The following DNAH11 variants were observed in gnomAD, a reference collection of about 807,000 sequenced individuals.
DNAH11 encodes axonemal beta dynein heavy chain 11.
A neutral mutation model predicts 526.0 loss-of-function variants in DNAH11; 442 were observed. That is an observed-to-expected ratio of 0.84 (90% CI 0.78 to 0.91). DNAH11 has a LOEUF of 0.91. Among genes scored for constraint, DNAH11 ranks in the 40% least tolerant of loss-of-function variants. The pLI, the probability that DNAH11 is intolerant of heterozygous loss-of-function variation, is 0.00. For synonymous variants in DNAH11, 2,461 were observed against 1,935.9 expected, an observed-to-expected ratio of 1.27 and a Z score of -7.12; for missense variants, 6,989 against 5,448.7, an observed-to-expected ratio of 1.28 and a Z score of -8.90.
chr7:21,553,725 C>CTT, intron 2 of DNAH11, among the ~76,000 whole-genome samples: 1 of 152,170 alleles, frequency 6.6e-6, no homozygotes, highest in East Asian at 1.9e-4. Context: ...GTGTCGAAAT[C>CTT]TGTCATTCGC....
chr7:21,714,935 A>G (rs1042772135), intron 42 of DNAH11, among the ~76,000 whole-genome samples: 2 of 152,162 alleles, frequency 1.3e-5, no homozygotes, highest in African/African-American at 2.4e-5. Context: ...TCTTTCTTCT[A>G]TTACTTGAGC....
At chr7:21,599,334 A>G (rs1784983770) in intron 14 of DNAH11, among the ~76,000 whole-genome samples, 2 of 152,244 alleles carry the variant, frequency 1.3e-5, no homozygotes, top group Admixed American at 1.3e-4. Context: ...TAGAGTACAT[A>G]GTACTTCACT....
chr7:21,752,800 C>T (rs902209996), intron 54 of DNAH11, among the ~76,000 whole-genome samples: 1 of 152,146 alleles, frequency 6.6e-6, no homozygotes, highest in Non-Finnish European at 1.5e-5. Context: ...GCAGCCTCTG[C>T]CTCCTGGGTT....
chr7:21,894,775 A>G lies in DNAH11; in HGVS notation c.12903A>G (p.Ile4301Met). The part of the protein sequence containing the change: ...RMNILIREIR[I>M]SLEQLDLSLK... ...ATATTCTCATTCGGGAAATACGTAT[A>G]TCACTTGAACAACTGGACCTTAGTT... The change falls in exon 78 of 82, where the codon ATA becomes ATG. Residue 4301 changes from isoleucine (I) to methionine (M), a missense_variant. Transcript: ENST00000409508. 6.2e-7 allele frequency: 1 copy of G among 1,611,928 alleles called. No individual in the cohort carries two copies. The highest frequency in any genetic ancestry group is 8.5e-7 in the Non-Finnish European group (1 of 1,178,816).
chr7:21,770,655 C>T (rs1787398919), intron 55 of DNAH11, among the ~76,000 whole-genome samples: 1 of 152,140 alleles, frequency 6.6e-6, no homozygotes, highest in Non-Finnish European at 1.5e-5. Context: ...AGTCTTAAAT[C>T]CTTCTTTTGA....
chr7:21,594,067 C>CAG lies in DNAH11; in HGVS notation c.2667+2491_2667+2492insGA, dbSNP rs1405634885. 6.9e-5 allele frequency among the ~76,000 whole-genome samples: 9 copies of CAG among 130,520 alleles called. No homozygotes were observed. In the East Asian group the frequency reaches 1.9e-3, roughly 27 times the overall value. 85.6% of individuals were successfully genotyped at this position (130,520 alleles called of 152,430 possible). ...GCACACTCTTTCATACACACATACA[C>CAG]ACACACACACACACACACACACACA... is the stretch of plus-strand genomic sequence containing the variant. On this transcript the variant is annotated intron_variant, in intron 14 of 81. Coordinates refer to ENST00000409508, the MANE Select transcript of DNAH11 (RefSeq NM_001277115.2).
intron 30 of DNAH11, among the ~76,000 whole-genome samples, chr7:21,675,929 G>A (rs1238581337): frequency 2.0e-5 from 3 of 152,070 alleles, no homozygotes; most frequent in African/African-American, 7.2e-5. Context: ...AATTTGAGGA[G>A]GTAAATTTGA....
Position 21,725,996 on chromosome 7 carries a change from G to T in DNAH11, c.7440+12G>T. On this transcript the variant is annotated intron_variant, in intron 45 of 81. Coordinates refer to ENST00000409508, the MANE Select transcript of DNAH11 (RefSeq NM_001277115.2). Reference sequence around the variant, plus strand: ...ATGTGCCTCTGCAGGTAGGTGTGTGGAACATAGCAATTGTATTAGTCTGTT... The same window carrying T: ...ATGTGCCTCTGCAGGTAGGTGTGTGTAACATAGCAATTGTATTAGTCTGTT... The T allele has an allele frequency of 2.6e-6, 4 of 1,532,994 alleles. No individual in the cohort carries two copies. Among genetic ancestry groups the T allele is most frequent in the South Asian group, 1.2e-5 (1 of 80,012 alleles). The allele number at this position is 1,532,994 out of a possible 1,614,324, so 95.0% of individuals were successfully genotyped here. A position where few individuals can be genotyped will look rare whatever the true frequency, so the allele number is the denominator to read the frequency against.
chr7:21,711,555 C>G (rs1426802404), intron 41 of DNAH11, among the ~76,000 whole-genome samples, 157 bp from the exon 42 acceptor site: 1 of 152,190 alleles, frequency 6.6e-6, no homozygotes, highest in Non-Finnish European at 1.5e-5. Context: ...GTCAGGTCAT[C>G]TCAGGGGTGA....
rs375442328 is a variant in DNAH11, at chr7:21,687,398, A to C, written c.5795A>C (p.Tyr1932Ser). 1.9e-6 allele frequency: 3 copies of C among 1,613,308 alleles called. No individual in the cohort carries two copies. The highest frequency in any genetic ancestry group is 2.5e-6 in the Non-Finnish European group (3 of 1,179,694). The change falls in exon 34 of 82, where the codon TAT (tyrosine) becomes TCT (serine). Residue 1932 changes from tyrosine to serine, a missense_variant. Physicochemically the swap from Tyr to Ser is moderately radical, Grantham distance 144. Transcript: ENST00000409508. ...QMDYKSIGNIYKGLVQTGAWG... is the reference protein window; with the variant it reads ...QMDYKSIGNISKGLVQTGAWG... ...ATCATTTAGTCCATAGGCAATATCTATAAGGGATTGGTGCAGACAGGAGCT... is the reference window on the plus strand; with the variant it reads ...ATCATTTAGTCCATAGGCAATATCTCTAAGGGATTGGTGCAGACAGGAGCT...
intron 75 of DNAH11, among the ~76,000 whole-genome samples, chr7:21,883,819 T>C (rs1784019970): frequency 6.6e-6 from 1 of 152,166 alleles, no homozygotes; most frequent in Admixed American, 6.6e-5. Flanking sequence ...GGAGGAAGGA[T>C]GGCTTGAGGC....
rs371946750 is a variant in DNAH11 at position 21,869,015 on chromosome 7, A to T, written c.11967+24A>T. 5.6e-5 allele frequency: 91 copies of T among 1,613,478 alleles called. No individual in the cohort carries two copies. In the African/African-American group the frequency reaches 8.7e-4, roughly 15 times the overall value. ...AAGTGAGTATTAAGTTTCAGGGAAG[A>T]CACTGGGCATAAACACAGAGGAGGG... is the stretch of plus-strand genomic sequence containing the variant. On this transcript the variant is annotated intron_variant, in intron 73 of 81. Coordinates refer to ENST00000409508, the MANE Select transcript of DNAH11 (RefSeq NM_001277115.2).
intron 62 of DNAH11, among the ~76,000 whole-genome samples, chr7:21,805,010 G>A (rs1789195688): frequency 6.6e-6 from 1 of 152,076 alleles, no homozygotes; most frequent in Non-Finnish European, 1.5e-5. Context: ...CATACTTCCA[G>A]GCACGCTCCT....
At chr7:21,875,466 G>A (rs1783667338) in intron 74 of DNAH11, among the ~76,000 whole-genome samples, 1 of 152,074 alleles carries the variant, frequency 6.6e-6, no homozygotes, top group African/African-American at 2.4e-5. Flanking sequence ...TCATAAAACT[G>A]TGGACACTCT....
At chr7:21,631,021 A>G (rs1354737703) in intron 25 of DNAH11, among the ~76,000 whole-genome samples, 1 of 152,174 alleles carries the variant, frequency 6.6e-6, no homozygotes, top group Non-Finnish European at 1.5e-5. Flanking sequence ...GGCAATTTAC[A>G]AAAGAAAGAG....
At chr7:21,755,682 G>A (rs534550410) in intron 54 of DNAH11, among the ~76,000 whole-genome samples, 2 of 152,068 alleles carry the variant, frequency 1.3e-5, no homozygotes, top group Non-Finnish European at 2.9e-5. Context: ...TAAACATGAA[G>A]TATATATTCA....
intron 35 of DNAH11, among the ~76,000 whole-genome samples, chr7:21,695,628 C>T (rs911303600): frequency 3.3e-5 from 5 of 152,160 alleles, no homozygotes; most frequent in Admixed American, 6.5e-5. Context: ...AAACCTAAAA[C>T]CATAAAAGCC....
chr7:21,748,531 C>T, intron 51 of DNAH11, 49 bp from the exon 52 acceptor site: 1 of 1,420,880 alleles, frequency 7.0e-7, no homozygotes, highest in Non-Finnish European at 9.3e-7. Flanking sequence ...CAGACATAGT[C>T]CCGGGGCATT....
intron 30 of DNAH11, among the ~76,000 whole-genome samples, chr7:21,671,047 A>G (rs544244134): frequency 1.3e-5 from 2 of 152,304 alleles, no homozygotes; most frequent in African/African-American, 4.8e-5. Flanking sequence ...AAAGTGATCC[A>G]TTTATATCTA....
Sources: gnomAD v4.1 joint callset for allele counts (sites outside exome capture counted in the v4.1 genomes callset) on GRCh38, gnomAD v4.1.1 for gene constraint, MANE v1.5 for transcripts, NCBI Gene and HGNC (gene_info 2026-07-23, HGNC 2026-07-21) for gene names.